Variants in AK7 observed in about 807,000 individuals in gnomAD.
The protein encoded by AK7 is ATP-AMP transphosphorylase 7.
A neutral mutation model predicts 96.6 loss-of-function variants in AK7; 78 were observed. The ratio of observed to expected loss-of-function variants is 0.81; its 90% CI spans 0.67 to 0.97. AK7 has a LOEUF of 0.97. Among genes scored for constraint, AK7 ranks in the 50% least tolerant of loss-of-function variants. The pLI is 0.00. For synonymous variants in AK7, 302 were observed against 317.2 expected (o/e 0.95, Z 0.51); for missense variants, 855 against 887.9 (o/e 0.96, Z 0.47).
chr14:96,439,888 TG>T (rs1208071290), intron 6 of AK7, among the ~76,000 whole-genome samples: 2 of 151,864 alleles, frequency 1.3e-5, no homozygotes, highest in East Asian at 3.9e-4. Flanking sequence ...AGGAGGGGGG[TG>T]CAAAGAAAGA....
chr14:96,403,898 C>G (rs1479149861), intron 2 of AK7, among the ~76,000 whole-genome samples: 2 of 151,872 alleles, frequency 1.3e-5, no homozygotes, highest in African/African-American at 4.8e-5. Context: ...TAATCCCAAC[C>G]TTTTGGGAGG....
At chr14:96,395,028 A>G (rs1889985366) in intron 1 of AK7, among the ~76,000 whole-genome samples, 1 of 152,090 alleles carries the variant, frequency 6.6e-6, no homozygotes, top group Non-Finnish European at 1.5e-5. Flanking sequence ...CATAACTCTT[A>G]TTTATTTATG....
At chr14:96,465,020 A>C (rs1293289345) in intron 12 of AK7, among the ~76,000 whole-genome samples, 1 of 152,236 alleles carries the variant, frequency 6.6e-6, no homozygotes, top group African/African-American at 2.4e-5. Context: ...ACTGTACCCT[A>C]GAAATATTTT....
In AK7 at chr14:96,486,905, G is replaced by T. The variant is rs983382324; in HGVS notation, c.1982G>T (p.Arg661Leu). The change falls in exon 17 of 18, where the codon CGA becomes CTA. Residue 661 changes from arginine (R) to leucine (L), a missense_variant. Coordinates refer to ENST00000267584, the MANE Select transcript of AK7 (RefSeq NM_152327.5). ...KIARWEEWNK[R>L]LEEVKREERE... is the part of the protein sequence containing the mutation. ...CCAAATATTCTATTTTAGAATAAAC[G>T]ACTGGAGGAAGTGAAAAGAGAAGAA... is the stretch of plus-strand genomic sequence containing the variant. 2 of 1,613,456 alleles carry T rather than the reference G, an allele frequency of 1.2e-6. No homozygotes were observed. The highest frequency in any genetic ancestry group is 2.2e-5 in the South Asian group (2 of 91,030).
chr14:96,419,629 GTC>G, intron 4 of AK7, among the ~76,000 whole-genome samples: 1 of 151,916 alleles, frequency 6.6e-6, no homozygotes, highest in East Asian at 1.9e-4. Flanking sequence ...GCAAGGCCCT[GTC>G]TCTACCAAAA....
intron 1 of AK7, among the ~76,000 whole-genome samples, chr14:96,393,022 A>G (rs1335168737): frequency 1.3e-5 from 2 of 152,196 alleles, no homozygotes; most frequent in South Asian, 2.1e-4. Flanking sequence ...CCATCCCTTC[A>G]ATATATGGTT....
At chr14:96,474,767 A>G (rs1329652150) in intron 14 of AK7, among the ~76,000 whole-genome samples, 6 of 152,230 alleles carry the variant, frequency 3.9e-5, no homozygotes, top group African/African-American at 1.4e-4. Flanking sequence ...ACTCTGTGCT[A>G]AATCATAACA....
At chr14:96,436,697 CCT>C (rs1892655421) in intron 5 of AK7, among the ~76,000 whole-genome samples, 1 of 152,084 alleles carries the variant, frequency 6.6e-6, no homozygotes, top group African/African-American at 2.4e-5. Flanking sequence ...TGCACCATCC[CCT>C]GTTCGCCTGA....
chr14:96,437,903 C>A lies in AK7; in HGVS notation c.678C>A (p.His226Gln). The A allele has an allele frequency of 1.9e-6, 3 of 1,613,536 alleles. No individual in the cohort carries two copies. The highest frequency in any genetic ancestry group is 2.5e-6 in the Non-Finnish European group (3 of 1,179,720). Reference sequence around the variant, plus strand: ...ATGGAGCGGAAGGAGGCATGTTACACACATTTTTTAAGGTATGGCTTTCAA... The same window carrying A: ...ATGGAGCGGAAGGAGGCATGTTACAAACATTTTTTAAGGTATGGCTTTCAA... ...LQYGAEGGML[H>Q]TFFKMAWLGE... The change falls in exon 6 of 18, where the codon CAC becomes CAA. Residue 226 changes from histidine (H) to glutamine (Q), a missense_variant. Coordinates refer to ENST00000267584, the MANE Select transcript of AK7 (RefSeq NM_152327.5).
At position 96,442,714 on chromosome 14, in the gene AK7, C is replaced by G; in HGVS notation, c.691-16C>G. On this transcript the variant is annotated splice_polypyrimidine_tract_variant and intron_variant, in intron 6 of 17. Coordinates refer to ENST00000267584, the MANE Select transcript of AK7 (RefSeq NM_152327.5). ...CATATAACTGGGGGACATGATTTTG[C>G]TTTTCTTCCTTTCAGATGGCTTGGT... is the stretch of plus-strand genomic sequence containing the variant. 1 of 1,610,354 alleles carries G rather than the reference C, an allele frequency of 6.2e-7. No homozygotes were observed. Among genetic ancestry groups the G allele is most frequent in the Non-Finnish European group, 8.5e-7 (1 of 1,176,574 alleles).
rs190517936 is a variant in AK7, at chr14:96,406,265, T to C, written c.403+1400T>C. Among the ~76,000 whole-genome samples, 32 of 152,260 alleles carry C rather than the reference T, an allele frequency of 2.1e-4. No individual in the cohort carries two copies. The East Asian group carries it at 2.7e-3, about 13-fold the overall frequency. The stretch of plus-strand genomic sequence containing the variant: ...AAATGCCTCCATAGGTGCCTCTTGA[T>C]TGTGAATTTCAGACATTAACCACTG... On this transcript the variant is annotated intron_variant, in intron 3 of 17. Coordinates refer to ENST00000267584, the MANE Select transcript of AK7 (RefSeq NM_152327.5).
chr14:96,416,777 G>A (rs1891372511), intron 4 of AK7, among the ~76,000 whole-genome samples: 1 of 152,110 alleles, frequency 6.6e-6, no homozygotes, highest in Non-Finnish European at 1.5e-5. Flanking sequence ...AGGACTAAAG[G>A]GAACACAGCC....
At chr14:96,439,776 A>T (rs1892858703) in intron 6 of AK7, among the ~76,000 whole-genome samples, 1 of 152,126 alleles carries the variant, frequency 6.6e-6, no homozygotes, top group Non-Finnish European at 1.5e-5. Context: ...TTTTGGCACT[A>T]GGTAGGACAA....
chr14:96,449,546 GTC>G (rs904197359), intron 8 of AK7, among the ~76,000 whole-genome samples: 1 of 152,170 alleles, frequency 6.6e-6, no homozygotes, highest in African/African-American at 2.4e-5. Flanking sequence ...CAATTCTCGT[GTC>G]TCAGCCTCCT....
rs146926846 is a variant in AK7, at chr14:96,445,514, G to T, written c.780-1003G>T. On this transcript the variant is annotated intron_variant, in intron 7 of 17. Coordinates refer to ENST00000267584, the MANE Select transcript of AK7 (RefSeq NM_152327.5). The stretch of plus-strand genomic sequence containing the variant: ...GTCTCTACAAAAAATACAAAAATTA[G>T]TCGGGTTTGGTGGCTCATGCCTGCA... Among the ~76,000 whole-genome samples the T allele has an allele frequency of 2.8e-3, 429 of 152,230 alleles. 1 individual carries two copies. Among genetic ancestry groups the T allele is most frequent in the Non-Finnish European group, 5.0e-3 (343 of 68,024 alleles).
chr14:96,483,669 A>G (rs1595470640), intron 16 of AK7, among the ~76,000 whole-genome samples: 2 of 151,726 alleles, frequency 1.3e-5, no homozygotes, highest in South Asian at 4.2e-4. Flanking sequence ...CAAGTGATCC[A>G]CCCGCTTCTG....
At chr14:96,447,291 C>A (rs1893298301) in intron 8 of AK7, among the ~76,000 whole-genome samples, 1 of 152,082 alleles carries the variant, frequency 6.6e-6, no homozygotes, top group Non-Finnish European at 1.5e-5. Flanking sequence ...TCCAGGAGTT[C>A]TATTTTTAAT....
At chr14:96,458,253 C>G (rs1460136412) in intron 12 of AK7, 41 bp downstream of exon 12, 1 of 1,583,764 alleles carries the variant, frequency 6.3e-7, no homozygotes, top group Admixed American at 1.9e-5. Context: ...CTCTTGTGAA[C>G]AGTGGCTATT....
chr14:96,441,409 C>T (rs575722214), intron 6 of AK7, among the ~76,000 whole-genome samples: 3 of 151,854 alleles, frequency 2.0e-5, no homozygotes, highest in South Asian at 4.2e-4. Context: ...GAGGCTGAGG[C>T]GGGTAGATCA....
Sources: allele counts gnomAD v4.1 joint callset (sites outside exome capture counted in the v4.1 genomes callset), GRCh38; gene constraint gnomAD v4.1.1; transcripts MANE v1.5; gene names NCBI Gene and HGNC (gene_info 2026-07-23, HGNC 2026-07-21).